The following ADCK1 variants were observed in gnomAD, a reference collection of about 807,000 sequenced individuals.
ADCK1 encodes aarF domain-containing protein kinase 1.
Under a neutral mutation model 52.3 loss-of-function variants are expected in ADCK1, and 41 were observed. The ratio of observed to expected loss-of-function variants is 0.78; its 90% CI spans 0.61 to 1.02. ADCK1 has a LOEUF of 1.02. ADCK1 is among the 50% of genes least tolerant of loss of function. The probability of loss-of-function intolerance (pLI) is 0.00; values close to 1 mark genes in which losing one functional copy is unlikely to be tolerated. For missense variants in ADCK1, 658 were observed against 679.5 expected (o/e 0.97, Z 0.35); for synonymous variants, 250 against 274.6 (o/e 0.91, Z 0.89).
At chr14:77,879,203 A>G (rs1463941494) in intron 4 of ADCK1, among the ~76,000 whole-genome samples, 4 of 152,184 alleles carry the variant, frequency 2.6e-5, no homozygotes, top group Non-Finnish European at 4.4e-5. Flanking sequence ...CCTGAATTCC[A>G]TTCATCTGTT....
chr14:77,923,377 A>G lies in ADCK1; in HGVS notation c.859-1080A>G, dbSNP rs571859464. ...GAAAGCACACGGATTGCTGGGGAAG[A>G]GAAAGAGTGAATATGGCTGGAATGT... On this transcript the variant is annotated intron_variant, in intron 7 of 10. Coordinates refer to ENST00000238561, the MANE Select transcript of ADCK1 (RefSeq NM_020421.4). This position sits in a 1 kb window ranked among gnomAD's most constrained non-coding sequence, Gnocchi z 4.3. 5.8e-4 allele frequency: 88 copies of G among 152,584 alleles called. No homozygotes were observed. Among genetic ancestry groups the G allele is most frequent in the East Asian group, 1.9e-4 (1 of 5,184 alleles). 9.5% of individuals were successfully genotyped at this position (152,584 alleles called of 1,614,324 possible). A position where few individuals can be genotyped will look rare whatever the true frequency, so the allele number is the denominator to read the frequency against.
At chr14:77,887,393 G>A in intron 5 of ADCK1, 144 bp downstream of exon 5, 3 of 970,314 alleles carry the variant, frequency 3.1e-6, no homozygotes, top group Non-Finnish European at 4.2e-6. Context: ...GATTACGACA[G>A]AGGAGGTGTT....
intron 7 of ADCK1, among the ~76,000 whole-genome samples, chr14:77,912,884 C>T (rs1451861736): frequency 6.6e-6 from 1 of 152,158 alleles, no homozygotes; most frequent in African/African-American, 2.4e-5. Context: ...AGGGAAACAA[C>T]AGTTTAGCAG....
intron 3 of ADCK1, among the ~76,000 whole-genome samples, chr14:77,852,883 G>A (rs10131747): frequency 0.15 from 2,779 of 18,006 alleles, 426 homozygotes; most frequent in African/African-American, 0.31. Context: ...TTTTATGTGT[G>A]TATATATATA....
intron 3 of ADCK1, among the ~76,000 whole-genome samples, chr14:77,846,898 AAGAGAGGCTC>A (rs2082183068): frequency 6.6e-6 from 1 of 152,228 alleles, no homozygotes. Flanking sequence ...CATCTTCTCC[AAGAGAGGCTC>A]AGACAAAAAG....
chr14:77,848,528 C>T (rs1050074477), intron 3 of ADCK1, among the ~76,000 whole-genome samples: 17 of 152,092 alleles, frequency 1.1e-4, no homozygotes, highest in Non-Finnish European at 1.6e-4. Flanking sequence ...TACAGTGGTG[C>T]GATCTTGGGT....
intron 4 of ADCK1, among the ~76,000 whole-genome samples, chr14:77,876,201 G>C (rs2082895399): frequency 6.6e-6 from 1 of 152,206 alleles, no homozygotes; most frequent in Non-Finnish European, 1.5e-5. Context: ...CTCTAGGGGA[G>C]ATTCCCTTTT....
At chr14:77,874,304 G>T (rs532774091) in intron 4 of ADCK1, among the ~76,000 whole-genome samples, 1 of 152,356 alleles carries the variant, frequency 6.6e-6, no homozygotes, top group East Asian at 1.9e-4. Context: ...AAGAGAGAAA[G>T]TTATCTGAGG....
intron 7 of ADCK1, 150 bp downstream of exon 7, chr14:77,908,069 C>T: frequency 1.6e-6 from 1 of 640,294 alleles, no homozygotes; most frequent in East Asian, 2.9e-5. Context: ...AAACTTTGAG[C>T]AAGAAAGATT....
At chr14:77,855,729 A>G (rs1471043833) in intron 3 of ADCK1, among the ~76,000 whole-genome samples, 1 of 152,198 alleles carries the variant, frequency 6.6e-6, no homozygotes, top group African/African-American at 2.4e-5. Flanking sequence ...GGACCCTGCC[A>G]AATTAGGAAA....
intron 1 of ADCK1, among the ~76,000 whole-genome samples, chr14:77,800,534 C>A (rs932812282): frequency 6.6e-6 from 1 of 152,274 alleles, no homozygotes; most frequent in Non-Finnish European, 1.5e-5. Flanking sequence ...GCCTTCACCC[C>A]CTGGTGGCCC....
intron 3 of ADCK1, among the ~76,000 whole-genome samples, chr14:77,858,087 G>C (rs1032645753): frequency 5.3e-5 from 8 of 152,134 alleles, no homozygotes; most frequent in African/African-American, 1.7e-4. Context: ...TCTGTCCTAG[G>C]CAACCTGCCC....
At chr14:77,852,675 A>ATT (rs1400469309) in intron 3 of ADCK1, among the ~76,000 whole-genome samples, 9 of 42,118 alleles carry the variant, frequency 2.1e-4, no homozygotes, top group East Asian at 7.0e-4. Flanking sequence ...ATATATATAT[A>ATT]TATATATATA....
At chr14:77,851,334 T>A (rs761851313) in intron 3 of ADCK1, among the ~76,000 whole-genome samples, 1 of 152,080 alleles carries the variant, frequency 6.6e-6, no homozygotes, top group African/African-American at 2.4e-5. Context: ...GTCAGGCTGG[T>A]CTTGAATTCT....
chr14:77,895,103 T>A (rs1341859496), intron 5 of ADCK1, among the ~76,000 whole-genome samples: 1 of 152,320 alleles, frequency 6.6e-6, no homozygotes, highest in Admixed American at 6.5e-5. Flanking sequence ...TTCCATTACA[T>A]TTCTGTGTGG....
chr14:77,833,112 A>G (rs137946683), intron 3 of ADCK1, among the ~76,000 whole-genome samples: 180 of 152,298 alleles, frequency 1.2e-3, no homozygotes, highest in Middle Eastern at 3.4e-3. Context: ...TGATTTGTCT[A>G]TTAGAACTCT....
chr14:77,861,942 C>T (rs1206222541), intron 4 of ADCK1, among the ~76,000 whole-genome samples: 2 of 152,232 alleles, frequency 1.3e-5, no homozygotes, highest in Non-Finnish European at 1.5e-5. Context: ...GGTGAGGGCA[C>T]TCGAAGGGGC....
intron 1 of ADCK1, among the ~76,000 whole-genome samples, chr14:77,815,161 A>G (rs2081418794): frequency 6.7e-6 from 1 of 148,936 alleles, no homozygotes; most frequent in Admixed American, 6.7e-5. Context: ...TGGCCCAGGA[A>G]TCTACATTTT....
intron 6 of ADCK1, 73 bp from the exon 7 acceptor site, chr14:77,907,730 G>T (rs1281613043): frequency 1.7e-6 from 2 of 1,150,846 alleles, no homozygotes; most frequent in Admixed American, 2.2e-5. Context: ...TGTCTGGCTC[G>T]CTGTGCCACA....
Sources: allele counts gnomAD v4.1 joint callset (sites outside exome capture counted in the v4.1 genomes callset), GRCh38; gene constraint gnomAD v4.1.1; non-coding constraint Gnocchi (gnomAD v3.1); transcripts MANE v1.5; gene names NCBI Gene and HGNC (gene_info 2026-07-23, HGNC 2026-07-21).